Variants in PARP11 observed in about 807,000 individuals in gnomAD.
PARP11 encodes poly(ADP-ribose) polymerase family member 11, also known as protein mono-ADP-ribosyltransferase PARP11.
A neutral mutation model predicts 42.9 loss-of-function variants in PARP11; 31 were observed. The observed-to-expected ratio is 0.72, with a 90% CI of 0.54 to 0.98. PARP11 has a LOEUF of 0.98. Among genes scored for constraint, PARP11 ranks in the 50% least tolerant of loss-of-function variants. The probability of loss-of-function intolerance (pLI) is 0.00; values close to 1 mark genes in which losing one functional copy is unlikely to be tolerated. For synonymous variants in PARP11, 137 were observed against 127.3 expected, an observed-to-expected ratio of 1.08 and a Z score of -0.51; for missense variants, 365 against 413.1, an observed-to-expected ratio of 0.88 and a Z score of 1.01.
intron 4 of PARP11, 141 bp downstream of exon 4, chr12:3,826,017 C>T: frequency 1.9e-6 from 1 of 528,058 alleles, no homozygotes; most frequent in South Asian, 2.5e-5. Flanking sequence ...GTGTGAGCCA[C>T]TGCGCCTGGC....
chr12:3,837,847 A>G (rs765170964), intron 1 of PARP11, among the ~76,000 whole-genome samples: 13 of 151,946 alleles, frequency 8.6e-5, no homozygotes, highest in Non-Finnish European at 1.8e-4. Context: ...GTCCTGTAAA[A>G]AGAGATAAAG....
chr12:3,813,056 C>T (rs563762477), intron 7 of PARP11, among the ~76,000 whole-genome samples: 1 of 152,284 alleles, frequency 6.6e-6, no homozygotes, highest in South Asian at 2.1e-4. Context: ...CCACCTGCCT[C>T]GACCTCCCAA....
At chr12:3,824,704 A>G in intron 4 of PARP11, 4 of 786,148 alleles carry the variant, frequency 5.1e-6, no homozygotes, top group Non-Finnish European at 6.2e-6. Context: ...GTTTGATCCC[A>G]TCACAGTGTT....
At chr12:3,820,278 C>T (rs533549214) in intron 6 of PARP11, among the ~76,000 whole-genome samples, 1 of 152,266 alleles carries the variant, frequency 6.6e-6, no homozygotes, top group South Asian at 2.1e-4. Context: ...GATGGACTCA[C>T]GTGGGCCTGA....
In PARP11 at chr12:3,834,236, CA is replaced by C. The variant is rs993495280; in HGVS notation, c.19-4219del. The stretch of plus-strand genomic sequence containing the variant: ...GGAGCAGTGGCATGGAGACTTTGCT[CA>C]GGGGTAAAGACGAGCCATAAGGACA... On this transcript the variant is annotated intron_variant, in intron 1 of 7. Coordinates refer to ENST00000228820, the MANE Select transcript of PARP11 (RefSeq NM_020367.6). Among the ~76,000 whole-genome samples, 70 of 152,158 alleles carry C rather than the reference CA, an allele frequency of 4.6e-4. 1 individual carries two copies. The highest frequency in any genetic ancestry group is 2.5e-3 in the Admixed American group (38 of 15,278).
At chr12:3,818,780 G>A (rs61907081) in intron 6 of PARP11, among the ~76,000 whole-genome samples, 1 of 152,180 alleles carries the variant, frequency 6.6e-6, no homozygotes, top group Non-Finnish European at 1.5e-5. Context: ...TAATCGTACA[G>A]ATGGCACCTA....
intron 1 of PARP11, among the ~76,000 whole-genome samples, chr12:3,839,040 TC>T (rs1213993949): frequency 6.6e-6 from 1 of 151,704 alleles, no homozygotes; most frequent in Non-Finnish European, 1.5e-5. Flanking sequence ...TTAATCCCGC[TC>T]CCCCCGTTTG....
chr12:3,854,697 A>G (rs1478718080), intron 1 of PARP11, among the ~76,000 whole-genome samples: 2 of 152,176 alleles, frequency 1.3e-5, no homozygotes, highest in Non-Finnish European at 2.9e-5. Flanking sequence ...ATTCTACTAG[A>G]GGTACAAAGA....
At chr12:3,854,663 A>G (rs987002788) in intron 1 of PARP11, among the ~76,000 whole-genome samples, 4 of 152,188 alleles carry the variant, frequency 2.6e-5, no homozygotes, top group African/African-American at 9.6e-5. Context: ...CAACCAAAAA[A>G]AGTCCAGGAC....
At chr12:3,816,648 G>A (rs1298088160) in intron 6 of PARP11, among the ~76,000 whole-genome samples, 2 of 152,194 alleles carry the variant, frequency 1.3e-5, no homozygotes, top group African/African-American at 4.8e-5. Context: ...CATAATGCCA[G>A]GCTTCATGGT....
At chr12:3,845,619 T>C (rs757522935) in intron 1 of PARP11, among the ~76,000 whole-genome samples, 1 of 152,364 alleles carries the variant, frequency 6.6e-6, no homozygotes, top group South Asian at 2.1e-4. Context: ...TCCACTCTAG[T>C]GTAGCTGAAG....
At chr12:3,813,328 G>T (rs1450870958) in intron 7 of PARP11, among the ~76,000 whole-genome samples, 3 of 152,198 alleles carry the variant, frequency 2.0e-5, no homozygotes, top group African/African-American at 7.2e-5. Context: ...AAAGATTTCT[G>T]AGAGAGTATA....
intron 1 of PARP11, among the ~76,000 whole-genome samples, chr12:3,856,533 C>T (rs1466531716): frequency 1.3e-5 from 2 of 152,218 alleles, no homozygotes; most frequent in Non-Finnish European, 2.9e-5. Flanking sequence ...CTCATCATCA[C>T]TGGTCATCAG....
intron 6 of PARP11, chr12:3,814,903 G>A (rs1012617162): frequency 7.0e-6 from 2 of 286,498 alleles, no homozygotes; most frequent in Non-Finnish European, 1.4e-5. Context: ...TTTGCAAAAA[G>A]AGATAGAGAA....
chr12:3,872,936 A>G, intron 1 of PARP11: 1 of 249,282 alleles, frequency 4.0e-6, no homozygotes, highest in Non-Finnish European at 6.4e-6. Flanking sequence ...AAAAACAACA[A>G]CAACAACAAA....
chr12:3,845,926 T>TA (rs2138083047), intron 1 of PARP11, among the ~76,000 whole-genome samples: 1 of 152,344 alleles, frequency 6.6e-6, no homozygotes, highest in Non-Finnish European at 1.5e-5. Flanking sequence ...TTGAATGGAT[T>TA]AAAAATTGCA....
chr12:3,872,569 C>T (rs1948507552), intron 1 of PARP11: 2 of 985,290 alleles, frequency 2.0e-6, no homozygotes, highest in Non-Finnish European at 2.4e-6. Flanking sequence ...ATCACTTTGT[C>T]CACCGAACGA....
intron 1 of PARP11, chr12:3,841,145 T>G: frequency 2.5e-6 from 4 of 1,605,352 alleles, no homozygotes; most frequent in Non-Finnish European, 3.4e-6. Context: ...CCTCAGACAT[T>G]GAGCCTTTAT....
intron 3 of PARP11, among the ~76,000 whole-genome samples, chr12:3,827,224 G>A (rs2138039068): frequency 6.6e-6 from 1 of 152,298 alleles, no homozygotes; most frequent in African/African-American, 2.4e-5. Context: ...GAGTACATGT[G>A]AAATGCTAAT....
Sources: allele counts gnomAD v4.1 joint callset (sites outside exome capture counted in the v4.1 genomes callset), GRCh38; gene constraint gnomAD v4.1.1; transcripts MANE v1.5; gene names NCBI Gene and HGNC (gene_info 2026-07-23, HGNC 2026-07-21).